SGSM3: variants seen among roughly 807,000 people sequenced by gnomAD.
SGSM3 encodes the protein small G protein signaling modulator 3.
A neutral mutation model predicts 100.5 loss-of-function variants in SGSM3; 96 were observed. The observed-to-expected ratio is 0.96, with a 90% CI of 0.81 to 1.13. The LOEUF is 1.13. SGSM3 is among the 50% of genes most tolerant of loss of function. The probability of loss-of-function intolerance (pLI) is 0.00; values close to 1 mark genes in which losing one functional copy is unlikely to be tolerated. For synonymous variants in SGSM3, 483 were observed against 422.8 expected, an observed-to-expected ratio of 1.14 and a Z score of -1.75; for missense variants, 1,001 against 1,015.8, an observed-to-expected ratio of 0.99 and a Z score of 0.20.
In SGSM3 at chr22:40,406,457, C is replaced by G; in HGVS notation, c.980C>G (p.Ser327Ter). 1 of 1,591,078 alleles carries G rather than the reference C, an allele frequency of 6.3e-7. No individual in the cohort carries two copies. The highest frequency in any genetic ancestry group is 8.6e-7 in the Non-Finnish European group (1 of 1,166,274). The change falls in exon 10 of 22, where the codon TCA becomes TGA. Residue 327 changes from serine (S) to a stop codon, truncating the protein, a stop_gained. Coordinates refer to ENST00000248929, the MANE Select transcript of SGSM3 (RefSeq NM_015705.6). LOFTEE classifies it high-confidence loss of function. Reference protein sequence around the residue: ...LHLKEEELIQSENSASIFNTL... With the variant: ...LHLKEEELIQ ...GCCCAGGAGGAAGAGCTGATCCAGT[C>G]AGAGAACTCGGCCTCCATCTTCAAC...
rs2052389429 is a variant in SGSM3, at chr22:40,410,027, AGG to A, written c.*269_*270del. On this transcript the variant is annotated 3_prime_UTR_variant, in exon 22 of 22. Coordinates refer to ENST00000248929, the MANE Select transcript of SGSM3 (RefSeq NM_015705.6). ...AGGTGGGGGAGCCATGTCTGTGCTC[AGG>A]AAGAGGGAAGGGGATGGGGGTGGCT... 2 of 1,319,882 alleles carry A rather than the reference AGG, an allele frequency of 1.5e-6. No homozygotes were observed. The highest frequency in any genetic ancestry group is 4.4e-5 in the South Asian group (2 of 45,062). The allele number at this position is 1,319,882 out of a possible 1,614,324, so 81.8% of individuals were successfully genotyped here.
In SGSM3 at chr22:40,407,399, G is replaced by C. The variant is rs1320915698; in HGVS notation, c.1369-14G>C. 1 of 1,611,514 alleles carries C rather than the reference G, an allele frequency of 6.2e-7. No individual in the cohort carries two copies. The highest frequency in any genetic ancestry group is 2.2e-5 in the East Asian group (1 of 44,826). ...CCTCCAACCCCCTTGGTGGGCCTGT[G>C]TTCACTGTGGCAGGAGCTGACTCCA... On this transcript the variant is annotated splice_polypyrimidine_tract_variant and intron_variant, in intron 12 of 21. Coordinates refer to ENST00000248929, the MANE Select transcript of SGSM3 (RefSeq NM_015705.6). This position sits in a 1 kb window ranked among gnomAD's most constrained non-coding sequence, Gnocchi z 4.7.
At chr22:40,405,563 C>A in intron 7 of SGSM3, 86 bp from the exon 8 acceptor site, 1 of 1,273,162 alleles carries the variant, frequency 7.9e-7, no homozygotes, top group Non-Finnish European at 1.1e-6. Context: ...GAGGCTTTTG[C>A]TAATTGGTCT....
intron 1 of SGSM3, chr22:40,388,259 A>C (rs151233502): frequency 1.3e-5 from 2 of 152,232 alleles, no homozygotes; most frequent in Non-Finnish European, 2.9e-5. Context: ...GATCAACAAA[A>C]ATTACTAGGG....
At chr22:40,383,292 C>T (rs2047876227) in intron 1 of SGSM3, among the ~76,000 whole-genome samples, 1 of 151,916 alleles carries the variant, frequency 6.6e-6, no homozygotes, top group Admixed American at 6.6e-5. Flanking sequence ...ACGGTGAAAC[C>T]CCATCTCTAC....
intron 1 of SGSM3, among the ~76,000 whole-genome samples, chr22:40,394,571 G>A (rs1227188615): frequency 1.3e-5 from 2 of 151,758 alleles, no homozygotes; most frequent in Non-Finnish European, 2.9e-5. Flanking sequence ...GCTTGAACCC[G>A]GGAGGTGGAG....
Position 40,409,842 on chromosome 22 carries a change from C to G in SGSM3, c.*83C>G, listed in dbSNP as rs1288033087. On this transcript the variant is annotated 3_prime_UTR_variant, in exon 22 of 22. Coordinates refer to ENST00000248929, the MANE Select transcript of SGSM3 (RefSeq NM_015705.6). ...CTGCAGAGCCCAGGGAAGAGCAGCT[C>G]CAGAGCCCTGGCCGGGGCCGCGGGA... The G allele has an allele frequency of 1.3e-6, 2 of 1,532,248 alleles. No homozygotes were observed. Among genetic ancestry groups the G allele is most frequent in the South Asian group, 1.2e-5 (1 of 81,528 alleles). 94.9% of individuals were successfully genotyped at this position (1,532,248 alleles called of 1,614,324 possible).
At chr22:40,387,957 G>T (rs1268352961) in intron 1 of SGSM3, among the ~76,000 whole-genome samples, 1 of 152,136 alleles carries the variant, frequency 6.6e-6, no homozygotes, top group African/African-American at 2.4e-5. Context: ...CTAGGGTGAG[G>T]TTCCTGTTTC....
At chr22:40,384,381 C>T (rs745490668) in intron 1 of SGSM3, among the ~76,000 whole-genome samples, 7 of 152,250 alleles carry the variant, frequency 4.6e-5, no homozygotes, top group Non-Finnish European at 1.0e-4. Flanking sequence ...TCAGGAAACA[C>T]AGATTTTAAG....
intron 2 of SGSM3, 55 bp from the exon 3 acceptor site, chr22:40,401,538 G>A (rs1053553987): frequency 9.7e-6 from 14 of 1,437,968 alleles, no homozygotes; most frequent in Non-Finnish European, 1.3e-5. Context: ...GAGCCACTGC[G>A]CCTGGCCTGC....
chr22:40,400,641 C>G (rs2050627793), intron 1 of SGSM3, 55 bp from the exon 2 acceptor site: 1 of 693,352 alleles, frequency 1.4e-6, no homozygotes, highest in South Asian at 1.8e-5. Flanking sequence ...GAGACTCTGT[C>G]TAAAAAAAAA....
intron 1 of SGSM3, among the ~76,000 whole-genome samples, chr22:40,397,248 A>G (rs1008274511): frequency 6.6e-6 from 1 of 152,168 alleles, no homozygotes; most frequent in African/African-American, 2.4e-5. Context: ...GTGTAGCATT[A>G]AAGAGCTCAA....
rs1333070042 is a variant in SGSM3, at chr22:40,408,664, T to C, written c.1820T>C (p.Val607Ala). The change falls in exon 17 of 22, where the codon GTG (valine) becomes GCG (alanine). Residue 607 changes from valine to alanine, a missense_variant. By Grantham distance (64) the Val-to-Ala change is moderately conservative (BLOSUM62 0). Coordinates refer to ENST00000248929, the MANE Select transcript of SGSM3 (RefSeq NM_015705.6). ...GREVERDFAS[V>A]YSRLVLCKTF... is the part of the protein sequence containing the mutation. Reference sequence around the variant, plus strand: ...GAGGTCGAGAGAGACTTTGCCTCCGTGTATTCCCGTCTGGTGCTCTGTAAG... The same window carrying C: ...GAGGTCGAGAGAGACTTTGCCTCCGCGTATTCCCGTCTGGTGCTCTGTAAG... 7 of 1,613,902 alleles carry C rather than the reference T, an allele frequency of 4.3e-6. No individual in the cohort carries two copies. Among genetic ancestry groups the C allele is most frequent in the Non-Finnish European group, 5.1e-6 (6 of 1,180,018 alleles).
At chr22:40,378,238 T>A (rs2046979437) in intron 1 of SGSM3, 1 of 151,940 alleles carries the variant, frequency 6.6e-6, no homozygotes, top group Admixed American at 6.6e-5. Flanking sequence ...GAGACTACCC[T>A]GGGCAACATA....
chr22:40,398,170 T>G (rs1314222804), intron 1 of SGSM3, among the ~76,000 whole-genome samples: 1 of 152,034 alleles, frequency 6.6e-6, no homozygotes, highest in Admixed American at 6.6e-5. Flanking sequence ...TTTCACCATG[T>G]TGGCCAGGAT....
At position 40,406,658 on chromosome 22, in the gene SGSM3, C is replaced by G; in HGVS notation, c.1181C>G (p.Ser394Cys). Residue 394 changes from serine (S) to cysteine (C), a missense_variant, in exon 10 of 22, where the codon TCT becomes TGT. Transcript: ENST00000248929. Reference sequence around the variant, plus strand: ...GGGGCCGGCACCCTCACCAACCTCTCTCAGGTGGCCCAGGATGGGGGGCCG... The same window carrying G: ...GGGGCCGGCACCCTCACCAACCTCTGTCAGGTGGCCCAGGATGGGGGGCCG... ...LLGAGTLTNL[S>C]QVVRRRTQRR... 3.1e-6 allele frequency: 5 copies of G among 1,606,852 alleles called. No individual in the cohort carries two copies. The highest frequency in any genetic ancestry group is 4.3e-6 in the Non-Finnish European group (5 of 1,175,578).
chr22:40,398,062 G>T (rs1387178287), intron 1 of SGSM3, among the ~76,000 whole-genome samples: 1 of 150,552 alleles, frequency 6.6e-6, no homozygotes, highest in Admixed American at 6.6e-5. Context: ...CTGCCTCCTG[G>T]GTTCAAGTGA....
At chr22:40,399,975 C>T (rs1326161858) in intron 1 of SGSM3, among the ~76,000 whole-genome samples, 1 of 152,196 alleles carries the variant, frequency 6.6e-6, no homozygotes, top group Non-Finnish European at 1.5e-5. Flanking sequence ...ATTTTTGCCC[C>T]CACACTTGTA....
chr22:40,405,967 TC>T, intron 8 of SGSM3, 110 bp from the exon 9 acceptor site: 1 of 1,501,500 alleles, frequency 6.7e-7, no homozygotes, highest in Non-Finnish European at 9.1e-7. Context: ...TCTCTGGTGT[TC>T]CCTGCCCCCT....
Sources: gnomAD v4.1 joint callset for allele counts (sites outside exome capture counted in the v4.1 genomes callset) on GRCh38, gnomAD v4.1.1 for gene constraint, Gnocchi (gnomAD v3.1) non-coding constraint, MANE v1.5 for transcripts, NCBI Gene and HGNC (gene_info 2026-07-23, HGNC 2026-07-21) for gene names.